TTC39B: variants seen among roughly 807,000 people sequenced by gnomAD.
The protein encoded by TTC39B is tetratricopeptide repeat domain 39B, also known as tetratricopeptide repeat protein 39B.
In TTC39B, 92 loss-of-function variants were observed where a neutral mutation model predicts 96.6. The observed-to-expected ratio is 0.95, with a 90% confidence interval of 0.80 to 1.13. TTC39B has a LOEUF of 1.13. TTC39B is among the 50% of genes most tolerant of loss of function. The probability of loss-of-function intolerance (pLI) is 0.00; values close to 1 mark genes in which losing one functional copy is unlikely to be tolerated. For synonymous variants in TTC39B, 367 were observed against 299.4 expected, an observed-to-expected ratio of 1.23 and a Z score of -2.33; for missense variants, 955 against 809.3, an observed-to-expected ratio of 1.18 and a Z score of -2.18.
At chr9:15,167,468 T>C (rs1452518545) in exon 20 of TTC39B, 2 of 152,242 alleles carry the variant, frequency 1.3e-5, no homozygotes, top group East Asian at 1.9e-4. Context: ...TTAGAAAATA[T>C]TGGGCCAGGC....
chr9:15,241,934 C>T (rs929306392), intron 2 of TTC39B, among the ~76,000 whole-genome samples: 1 of 151,852 alleles, frequency 6.6e-6, no homozygotes, highest in African/African-American at 2.4e-5. Context: ...TTAGTAGAAA[C>T]GGAGTTTCAT....
intron 2 of TTC39B, among the ~76,000 whole-genome samples, chr9:15,242,311 G>T (rs1312724872): frequency 1.3e-5 from 2 of 152,216 alleles, no homozygotes; most frequent in Admixed American, 6.5e-5. Flanking sequence ...GCTGGGCACA[G>T]TGGCTCATGC....
Position 15,177,679 on chromosome 9 carries a change from T to C in TTC39B, c.1841+18A>G. 6.4e-7 allele frequency: 1 copy of C among 1,561,996 alleles called. No homozygotes were observed. The highest frequency in any genetic ancestry group is 8.7e-7 in the Non-Finnish European group (1 of 1,146,130). ...AACCACAATTTGCACTTGGGCTGGTTTTATTGTTTGGTCTTACCTTTCCAC... is the reference window on the plus strand; with the variant it reads ...AACCACAATTTGCACTTGGGCTGGTCTTATTGTTTGGTCTTACCTTTCCAC... On this transcript the variant is annotated intron_variant, in intron 18 of 19. Transcript: ENST00000512701.
At position 15,172,926 on chromosome 9, in the gene TTC39B, C is replaced by G. The variant is rs189157062; in HGVS notation, c.1959-817G>C. Among the ~76,000 whole-genome samples the G allele has an allele frequency of 1.1e-3, 161 of 152,198 alleles. 4 individuals are homozygous for G. The highest frequency in any genetic ancestry group is 0.01 in the Admixed American group (160 of 15,290). ...TCAATATGTTACTGGAGTTTACCGA[C>G]AGATGGAATTGAGTATTTTCCTAAA... is the stretch of plus-strand genomic sequence containing the variant. On this transcript the variant is annotated intron_variant, in intron 19 of 19. Coordinates refer to ENST00000512701, the Ensembl canonical transcript of TTC39B.
intron 1 of TTC39B, among the ~76,000 whole-genome samples, chr9:15,277,070 T>G (rs893174016): frequency 6.6e-6 from 1 of 152,198 alleles, no homozygotes; most frequent in Non-Finnish European, 1.5e-5. Flanking sequence ...CTTTGCCCTC[T>G]AGCCTTTACC....
intron 7 of TTC39B, among the ~76,000 whole-genome samples, chr9:15,200,489 C>T (rs1324183696): frequency 6.6e-6 from 1 of 152,208 alleles, no homozygotes; most frequent in African/African-American, 2.4e-5. Context: ...AGGAAAACAA[C>T]ACCACTTCAA....
intron 2 of TTC39B, among the ~76,000 whole-genome samples, chr9:15,260,700 G>C (rs114675928): frequency 2.4e-4 from 37 of 152,216 alleles, no homozygotes; most frequent in African/African-American, 8.4e-4. Context: ...TGTGGAGAAG[G>C]AAAAAGTTTG....
chr9:15,271,165 T>A (rs1011044102), intron 1 of TTC39B, among the ~76,000 whole-genome samples: 1 of 151,966 alleles, frequency 6.6e-6, no homozygotes, highest in African/African-American at 2.4e-5. Flanking sequence ...GATGAAGGGG[T>A]GCCATATCCT....
At chr9:15,300,037 G>C (rs1451913657) in intron 1 of TTC39B, among the ~76,000 whole-genome samples, 1 of 152,192 alleles carries the variant, frequency 6.6e-6, no homozygotes. Context: ...GTTAACCTGA[G>C]CTGGAGTTGG....
chr9:15,192,607 T>TG lies in TTC39B; in HGVS notation c.912dup (p.Ser305GlnfsTer5). 6.2e-7 allele frequency: 1 copy of TG among 1,614,000 alleles called. No individual in the cohort carries two copies. Among genetic ancestry groups the TG allele is most frequent in the Non-Finnish European group, 8.5e-7 (1 of 1,179,896 alleles). On this transcript the variant is annotated frameshift_variant, in exon 9 of 20. Coordinates refer to ENST00000512701, the Ensembl canonical transcript of TTC39B. LOFTEE classifies it high-confidence loss of function. ...TTCCTTACCAAATTAAAGGCCCCAC[T>TG]GCCAAGCTTGACACCCCCTTCAAAC... is the stretch of plus-strand genomic sequence containing the variant.
chr9:15,226,355 G>A (rs1427180657), intron 2 of TTC39B, among the ~76,000 whole-genome samples: 1 of 152,106 alleles, frequency 6.6e-6, no homozygotes, highest in Non-Finnish European at 1.5e-5. Flanking sequence ...CTTTATTAAA[G>A]ATACTTATTA....
chr9:15,242,273 T>C (rs112182294), intron 2 of TTC39B, among the ~76,000 whole-genome samples: 1,884 of 152,204 alleles, frequency 0.012, 37 homozygotes, highest in African/African-American at 0.043. Context: ...ACATACACTT[T>C]TAAGAATATC....
At chr9:15,207,017 C>G (rs1819901464) in intron 6 of TTC39B, among the ~76,000 whole-genome samples, 1 of 152,204 alleles carries the variant, frequency 6.6e-6, no homozygotes, top group East Asian at 1.9e-4. Context: ...AAGTGTTTGA[C>G]AAGTTCCTCC....
intron 19 of TTC39B, 60 bp downstream of exon 19, chr9:15,174,959 G>A (rs1817849962): frequency 2.0e-6 from 2 of 1,008,822 alleles, no homozygotes; most frequent in South Asian, 1.3e-5. Context: ...GCTGTTGTTA[G>A]AGCAGTACTG....
chr9:15,172,028 G>A, exon 20 of TTC39B: 1 of 1,611,940 alleles, frequency 6.2e-7, no homozygotes, highest in South Asian at 1.1e-5. Context: ...ATCAATCTGA[G>A]GAAGGTTTTC....
intron 2 of TTC39B, among the ~76,000 whole-genome samples, chr9:15,227,836 T>A (rs1821209103): frequency 6.6e-6 from 1 of 152,174 alleles, no homozygotes; most frequent in African/African-American, 2.4e-5. Flanking sequence ...GTCTCCCCAA[T>A]ATTGAAATTT....
chr9:15,212,491 T>C (rs1820264112), intron 4 of TTC39B, among the ~76,000 whole-genome samples: 1 of 152,186 alleles, frequency 6.6e-6, no homozygotes. Context: ...AATGGCACAA[T>C]CTCGGCTCAC....
chr9:15,187,788 G>C (rs1818614843), intron 14 of TTC39B, among the ~76,000 whole-genome samples, 183 bp downstream of exon 14: 1 of 152,202 alleles, frequency 6.6e-6, no homozygotes, highest in African/African-American at 2.4e-5. Flanking sequence ...GGCTTTTAAA[G>C]CATGCAATGC....
chr9:15,233,006 G>A (rs1343162798), intron 2 of TTC39B, among the ~76,000 whole-genome samples: 1 of 152,196 alleles, frequency 6.6e-6, no homozygotes, highest in African/African-American at 2.4e-5. Flanking sequence ...GAGAGGATAG[G>A]AGACATGGCA....
Sources: allele counts gnomAD v4.1 joint callset (sites outside exome capture counted in the v4.1 genomes callset), GRCh38; gene constraint gnomAD v4.1.1; transcripts MANE v1.5; gene names NCBI Gene and HGNC (gene_info 2026-07-23, HGNC 2026-07-21).